The following NIBAN1 variants were observed in gnomAD, a reference collection of about 807,000 sequenced individuals.
NIBAN1 encodes protein Niban 1.
Under a neutral mutation model 75.1 loss-of-function variants are expected in NIBAN1, and 81 were observed. The ratio of observed to expected loss-of-function variants is 1.08; its 90% CI spans 0.90 to 1.30. The LOEUF is 1.30. Among genes scored for constraint, NIBAN1 ranks in the 50% most tolerant of loss-of-function variants. The probability of loss-of-function intolerance (pLI) is 0.00; values close to 1 mark genes in which losing one functional copy is unlikely to be tolerated. For synonymous variants in NIBAN1, 436 were observed against 424.8 expected (o/e 1.03, Z -0.32); for missense variants, 1,133 against 1,128.1 (o/e 1.00, Z -0.06).
chr1:184,799,625 T>C (rs1480865823), intron 12 of NIBAN1, among the ~76,000 whole-genome samples: 1 of 131,742 alleles, frequency 7.6e-6, no homozygotes, highest in South Asian at 2.6e-4. Context: ...CACACTGACT[T>C]CCACAATGGT....
chr1:184,827,962 T>TG (rs1557879514), intron 6 of NIBAN1, among the ~76,000 whole-genome samples: 3 of 149,744 alleles, frequency 2.0e-5, no homozygotes, highest in African/African-American at 7.3e-5. Context: ...TGTTTTTTGT[T>TG]TTTTTTTTTT....
At chr1:184,952,316 A>G (rs1002229703) in intron 1 of NIBAN1, among the ~76,000 whole-genome samples, 11 of 152,226 alleles carry the variant, frequency 7.2e-5, no homozygotes, top group Non-Finnish European at 2.9e-5. Flanking sequence ...AGGTGAGAGG[A>G]TAGCTTGAGT....
intron 11 of NIBAN1, among the ~76,000 whole-genome samples, chr1:184,803,907 G>C (rs946983646): frequency 7.2e-5 from 11 of 152,152 alleles, no homozygotes; most frequent in Admixed American, 3.3e-4. Context: ...ACCTTTTACA[G>C]GTATGGAAAC....
chr1:184,870,828 C>T (rs1656087860), intron 5 of NIBAN1, among the ~76,000 whole-genome samples: 1 of 152,188 alleles, frequency 6.6e-6, no homozygotes, highest in Admixed American at 6.5e-5. Context: ...AATTGCACTT[C>T]CAAAAGTTCT....
chr1:184,875,148 C>A (rs1656199679), intron 5 of NIBAN1, among the ~76,000 whole-genome samples: 1 of 152,124 alleles, frequency 6.6e-6, no homozygotes, highest in Non-Finnish European at 1.5e-5. Context: ...TTGTGAGATT[C>A]AGCTAATGTA....
rs569074468 is a variant in NIBAN1 at position 184,955,134 on chromosome 1, T to A, written c.55+19168A>T. Among the ~76,000 whole-genome samples the A allele has an allele frequency of 3.9e-5, 6 of 152,258 alleles. No homozygotes were observed. In the South Asian group the frequency reaches 1.2e-3, roughly 32 times the overall value. On this transcript the variant is annotated intron_variant, in intron 1 of 13. Transcript: ENST00000367511. ...AATAGCAGTTTTGTATTAAATAATA[T>A]TAATTATTTTACATTATTTTCTTTG...
intron 5 of NIBAN1, among the ~76,000 whole-genome samples, chr1:184,871,875 T>G (rs1055562855): frequency 6.6e-5 from 10 of 152,144 alleles, no homozygotes; most frequent in African/African-American, 2.4e-4. Flanking sequence ...GAAATCATAA[T>G]CAGAAGGATG....
At chr1:184,951,504 A>G (rs893602638) in intron 1 of NIBAN1, among the ~76,000 whole-genome samples, 11 of 152,170 alleles carry the variant, frequency 7.2e-5, no homozygotes, top group African/African-American at 2.7e-4. Context: ...TTGTGGAGTC[A>G]TCCTTGAAGC....
intron 1 of NIBAN1, among the ~76,000 whole-genome samples, chr1:184,926,300 C>T (rs908239619): frequency 4.6e-5 from 7 of 152,124 alleles, no homozygotes; most frequent in Non-Finnish European, 8.8e-5. Flanking sequence ...TGCAGTGGTG[C>T]AATCTCTGCT....
At chr1:184,897,222 C>T (rs890045380) in intron 2 of NIBAN1, among the ~76,000 whole-genome samples, 13 of 148,926 alleles carry the variant, frequency 8.7e-5, no homozygotes, top group Non-Finnish European at 1.5e-4. Context: ...TTCTTTCATC[C>T]GTGTTTTGTA....
chr1:184,851,644 TA>T, intron 5 of NIBAN1, among the ~76,000 whole-genome samples: 1 of 115,676 alleles, frequency 8.6e-6, no homozygotes, highest in East Asian at 2.5e-4. Flanking sequence ...AAAAAAAAAT[TA>T]AAAAAAAAAA....
chr1:184,831,777 A>C (rs1343740431), intron 6 of NIBAN1, 70 bp downstream of exon 6: 5 of 1,075,264 alleles, frequency 4.7e-6, no homozygotes, highest in Non-Finnish European at 7.1e-6. Flanking sequence ...GTTTAATAAA[A>C]TGACCCTGAC....
chr1:184,855,377 C>T (rs1655649716), intron 5 of NIBAN1, among the ~76,000 whole-genome samples: 2 of 151,938 alleles, frequency 1.3e-5, no homozygotes, highest in Non-Finnish European at 2.9e-5. Context: ...TCGTGTCTTC[C>T]CAGAGCTTTT....
intron 1 of NIBAN1, among the ~76,000 whole-genome samples, chr1:184,966,771 T>A (rs1557934570): frequency 6.6e-6 from 1 of 152,162 alleles, no homozygotes; most frequent in Admixed American, 6.5e-5. Flanking sequence ...TAAAAATAGT[T>A]TTTAAAAAGG....
At position 184,890,177 on chromosome 1, in the gene NIBAN1, C is replaced by T. The variant is rs140860927; in HGVS notation, c.364G>A (p.Gly122Ser). Reference sequence around the variant, plus strand: ...TCTTCTGAGGTTAACACCTTGCCACCGGCTGGAAGAATTCGACATTTAGGA... The same window carrying T: ...TCTTCTGAGGTTAACACCTTGCCACTGGCTGGAAGAATTCGACATTTAGGA... ...AAPKCRILPA[G>S]GKVLTSEDEY... Residue 122 changes from glycine (G) to serine (S), a missense_variant, in exon 4 of 14, where the codon GGT becomes AGT. Gly to Ser is a moderately conservative substitution (Grantham distance 56). Coordinates refer to ENST00000367511, the MANE Select transcript of NIBAN1 (RefSeq NM_052966.4). 15 of 1,613,882 alleles carry T rather than the reference C, an allele frequency of 9.3e-6. No individual in the cohort carries two copies. Among genetic ancestry groups the T allele is most frequent in the East Asian group, 2.2e-5 (1 of 44,870 alleles).
At chr1:184,947,456 G>A (rs1658259145) in intron 1 of NIBAN1, among the ~76,000 whole-genome samples, 1 of 152,220 alleles carries the variant, frequency 6.6e-6, no homozygotes, top group African/African-American at 2.4e-5. Context: ...CATTTTGGGA[G>A]TAGATAGTGG....
In NIBAN1 at chr1:184,823,270, C is replaced by G. The variant is rs768383065; in HGVS notation, c.882G>C (p.Leu294Phe). ...QHQVSEGLSA[L>F]KEECRALTKG... ...TTGTCAGAGCTCTGCATTCCTCCTTCAAGGCACTTAATCCTTCTGAAACTT... is the reference window on the plus strand; with the variant it reads ...TTGTCAGAGCTCTGCATTCCTCCTTGAAGGCACTTAATCCTTCTGAAACTT... Residue 294 changes from leucine (L) to phenylalanine (F), a missense_variant, in exon 8 of 14, where the codon TTG (leucine) becomes TTC (phenylalanine). Coordinates refer to ENST00000367511, the MANE Select transcript of NIBAN1 (RefSeq NM_052966.4). The G allele has an allele frequency of 9.0e-5, 145 of 1,614,086 alleles. 2 individuals carry two copies. The Admixed American group carries it at 2.4e-3, about 27-fold the overall frequency.
At chr1:184,805,490 A>G (rs1204333886) in intron 11 of NIBAN1, among the ~76,000 whole-genome samples, 1 of 152,220 alleles carries the variant, frequency 6.6e-6, no homozygotes, top group African/African-American at 2.4e-5. Context: ...ATTTAAAACA[A>G]TTTCATATGG....
chr1:184,891,928 C>T (rs1166772000), intron 3 of NIBAN1, among the ~76,000 whole-genome samples: 3 of 152,086 alleles, frequency 2.0e-5, no homozygotes, highest in Non-Finnish European at 4.4e-5. Context: ...TTGGTTATTA[C>T]CAAATTAAGT....
Sources: allele counts gnomAD v4.1 joint callset (sites outside exome capture counted in the v4.1 genomes callset), GRCh38; gene constraint gnomAD v4.1.1; transcripts MANE v1.5; gene names NCBI Gene and HGNC (gene_info 2026-07-23, HGNC 2026-07-21).